Variants in CNBD1 observed in about 807,000 individuals in gnomAD.
CNBD1 encodes cyclic nucleotide-binding domain-containing protein 1.
A neutral mutation model predicts 54.4 loss-of-function variants in CNBD1; 71 were observed. The ratio of observed to expected loss-of-function variants is 1.30; its 90% confidence interval spans 1.08 to 1.59. The LOEUF (loss-of-function observed/expected upper bound fraction) is 1.59. Among genes scored for constraint, CNBD1 ranks in the 40% most tolerant of loss-of-function variants. The probability of loss-of-function intolerance (pLI) is 0.00; values close to 1 mark genes in which losing one functional copy is unlikely to be tolerated. For synonymous variants in CNBD1, 182 were observed against 170.7 expected, an observed-to-expected ratio of 1.07 and a Z score of -0.51; for missense variants, 659 against 518.0, an observed-to-expected ratio of 1.27 and a Z score of -2.64.
intron 2 of CNBD1, among the ~76,000 whole-genome samples, chr8:86,895,140 G>C (rs142997459): frequency 6.6e-6 from 1 of 152,050 alleles, no homozygotes; most frequent in Non-Finnish European, 1.5e-5. Context: ...CAACACTGTG[G>C]CACTGGGGAT....
chr8:87,150,638 T>C (rs1812584427), intron 4 of CNBD1, among the ~76,000 whole-genome samples: 1 of 152,184 alleles, frequency 6.6e-6, no homozygotes, highest in Non-Finnish European at 1.5e-5. Flanking sequence ...TCAACTCCTT[T>C]GAAACAAAAG....
intron 4 of CNBD1, among the ~76,000 whole-genome samples, chr8:87,005,146 G>A (rs927772691): frequency 1.3e-5 from 2 of 152,038 alleles, no homozygotes; most frequent in Non-Finnish European, 2.9e-5. Context: ...CACTTTGGGA[G>A]GCCGAGGCGG....
At chr8:87,382,946 T>C (rs765674721), downstream of CNBD1, 2 of 207,456 alleles carry the variant, frequency 9.6e-6, no homozygotes, top group Non-Finnish European at 1.9e-5. Flanking sequence ...TGTAAATGTT[T>C]ATATGACCAT....
intron 2 of CNBD1, among the ~76,000 whole-genome samples, chr8:87,388,351 C>T (rs929859140): frequency 1.2e-4 from 16 of 134,902 alleles, no homozygotes; most frequent in African/African-American, 3.5e-4. Context: ...ATTGATAGAC[C>T]GCTAGAAAGA....
intron 6 of CNBD1, among the ~76,000 whole-genome samples, chr8:87,250,769 A>T (rs1182676350): frequency 6.6e-6 from 1 of 152,202 alleles, no homozygotes; most frequent in East Asian, 1.9e-4. Flanking sequence ...GAGCTTAAGA[A>T]AAAAAACTGA....
rs551116103 is a variant in CNBD1, at chr8:87,053,298, G to A, written c.431+113544G>A. ...TTAAAATTAACACTTCCCTCAAGAGGCCAGGCCTGTCTGCCCTGCAGTTGG... is the reference window on the plus strand; with the variant it reads ...TTAAAATTAACACTTCCCTCAAGAGACCAGGCCTGTCTGCCCTGCAGTTGG... On this transcript the variant is annotated intron_variant, in intron 4 of 10. Coordinates refer to ENST00000518476, the MANE Select transcript of CNBD1 (RefSeq NM_173538.3). Among the ~76,000 whole-genome samples the A allele has an allele frequency of 1.2e-4, 18 of 152,242 alleles. No homozygotes were observed. In the South Asian group the frequency reaches 3.5e-3, roughly 30 times the overall value.
chr8:87,310,802 G>T (rs1455887238), intron 8 of CNBD1, among the ~76,000 whole-genome samples: 1 of 152,050 alleles, frequency 6.6e-6, no homozygotes, highest in Non-Finnish European at 1.5e-5. Flanking sequence ...CAATGGAAAA[G>T]AATAGAGAAC....
intron 4 of CNBD1, among the ~76,000 whole-genome samples, chr8:87,092,479 A>G (rs1811231444): frequency 7.0e-6 from 1 of 143,472 alleles, no homozygotes. Context: ...GTATATATAT[A>G]CACATATGTG....
intron 4 of CNBD1, among the ~76,000 whole-genome samples, chr8:86,979,480 A>G (rs1168306181): frequency 6.6e-6 from 1 of 151,184 alleles, no homozygotes; most frequent in Non-Finnish European, 1.5e-5. Context: ...AATACCAGCT[A>G]CTTCACAGGC....
intron 5 of CNBD1, among the ~76,000 whole-genome samples, chr8:87,219,561 G>T (rs776538394): frequency 4.0e-5 from 6 of 151,838 alleles, no homozygotes; most frequent in Non-Finnish European, 7.4e-5. Context: ...CATATATATA[G>T]CCAGAATACT....
At chr8:87,147,923 T>G (rs1377604017) in intron 4 of CNBD1, among the ~76,000 whole-genome samples, 2 of 152,182 alleles carry the variant, frequency 1.3e-5, no homozygotes, top group Non-Finnish European at 2.9e-5. Flanking sequence ...GGTTTTCATA[T>G]CTTTAGTATA....
At chr8:87,008,990 A>G (rs994101781) in intron 4 of CNBD1, among the ~76,000 whole-genome samples, 16 of 151,624 alleles carry the variant, frequency 1.1e-4, no homozygotes, top group Admixed American at 2.6e-4. Context: ...TTGGGTTGAA[A>G]TTTTTCATAT....
At chr8:87,064,328 G>T (rs571087708) in intron 4 of CNBD1, among the ~76,000 whole-genome samples, 19 of 151,408 alleles carry the variant, frequency 1.3e-4, no homozygotes, top group Admixed American at 5.9e-4. Flanking sequence ...TTATTATATG[G>T]TTATCCAATT....
chr8:87,134,828 C>T lies in CNBD1; in HGVS notation c.432-71165C>T, dbSNP rs191965574. On this transcript the variant is annotated intron_variant, in intron 4 of 10. Transcript: ENST00000518476. The stretch of plus-strand genomic sequence containing the variant: ...GTTTCACTGTGTTAGCCAGGATGAT[C>T]TCCATCTCCTGACTTCGTGATCTGC... Among the ~76,000 whole-genome samples the T allele has an allele frequency of 3.1e-3, 476 of 151,608 alleles. 2 individuals carry two copies. Among genetic ancestry groups the T allele is most frequent in the African/African-American group, 0.011 (447 of 41,378 alleles).
intron 4 of CNBD1, among the ~76,000 whole-genome samples, chr8:87,010,288 T>G (rs894253910): frequency 6.6e-6 from 1 of 152,200 alleles, no homozygotes; most frequent in Non-Finnish European, 1.5e-5. Context: ...TGACACGATT[T>G]TTTTTTCTTA....
chr8:87,016,000 A>G (rs1360453016), intron 4 of CNBD1, among the ~76,000 whole-genome samples: 2 of 151,408 alleles, frequency 1.3e-5, no homozygotes, highest in Non-Finnish European at 2.9e-5. Flanking sequence ...AAAAAAAAAA[A>G]AAGCCTTTTA....
At chr8:87,137,413 A>G (rs1030917633) in intron 4 of CNBD1, among the ~76,000 whole-genome samples, 2 of 151,460 alleles carry the variant, frequency 1.3e-5, no homozygotes, top group East Asian at 1.9e-4. Flanking sequence ...TGTGTTAGCC[A>G]GGATGATCTC....
chr8:87,324,145 G>A (rs1263440222), intron 8 of CNBD1, among the ~76,000 whole-genome samples: 2 of 124,544 alleles, frequency 1.6e-5, no homozygotes. Flanking sequence ...GCATCCCAGG[G>A]ATGAAGCCCA....
At chr8:87,040,750 T>C (rs1810050911) in intron 4 of CNBD1, among the ~76,000 whole-genome samples, 1 of 151,682 alleles carries the variant, frequency 6.6e-6, no homozygotes, top group African/African-American at 2.4e-5. Flanking sequence ...CATGAAATTT[T>C]CTTAGGTTTA....
Sources: allele counts gnomAD v4.1 joint callset (sites outside exome capture counted in the v4.1 genomes callset), GRCh38; gene constraint gnomAD v4.1.1; transcripts MANE v1.5; gene names NCBI Gene and HGNC (gene_info 2026-07-23, HGNC 2026-07-21).